The following KRT8 variants were observed in gnomAD, a reference collection of about 807,000 sequenced individuals.
KRT8 encodes the protein keratin 8, also known as keratin, type II cytoskeletal 8.
KRT8 carries 24 observed loss-of-function variants against 43.0 expected under a neutral mutation model. The observed-to-expected ratio is 0.56, with a 90% confidence interval of 0.40 to 0.78. The LOEUF (loss-of-function observed/expected upper bound fraction) is 0.78, where lower values mean the gene tolerates loss of function less well. Among genes scored for constraint, KRT8 ranks in the 30% least tolerant of loss-of-function variants. The probability of loss-of-function intolerance (pLI) is 0.00; values close to 1 mark genes in which losing one functional copy is unlikely to be tolerated. For missense variants in KRT8, 492 were observed against 638.4 expected (o/e 0.77, Z 2.47); for synonymous variants, 214 against 261.2 (o/e 0.82, Z 1.74).
chr12:52,940,293 C>T (rs1454682084), intron 2 of KRT8, among the ~76,000 whole-genome samples: 4 of 151,824 alleles, frequency 2.6e-5, no homozygotes, highest in South Asian at 2.1e-4. Flanking sequence ...ATTAGCCGGA[C>T]GTGGTAGCTC....
At chr12:52,909,975 G>A (rs954027704), upstream of KRT8, among the ~76,000 whole-genome samples, 1 of 151,992 alleles carries the variant, frequency 6.6e-6, no homozygotes, top group Non-Finnish European at 1.5e-5. Context: ...ATCTCACTAT[G>A]TTGCCCAGCC....
chr12:52,937,892 C>T (rs972642124), intron 2 of KRT8, among the ~76,000 whole-genome samples: 3 of 148,122 alleles, frequency 2.0e-5, no homozygotes, highest in South Asian at 2.1e-4. Context: ...CCCAGCTACT[C>T]GGGAGACTGA....
At chr12:52,918,209 A>AAGAAGAAGAAGG (rs1941809041) in intron 2 of KRT8, among the ~76,000 whole-genome samples, 12 of 113,452 alleles carry the variant, frequency 1.1e-4, no homozygotes, top group Non-Finnish European at 1.5e-4. Flanking sequence ...GAAGAACAAG[A>AAGAAGAAGAAGG]AGAAGAAGAA....
chr12:52,923,309 G>A (rs1356975746), intron 2 of KRT8, among the ~76,000 whole-genome samples: 1 of 152,154 alleles, frequency 6.6e-6, no homozygotes, highest in Admixed American at 6.5e-5. Flanking sequence ...GTCTCAACTC[G>A]GTCTCTAAAT....
chr12:52,915,456 C>G (rs906677654), intron 2 of KRT8, among the ~76,000 whole-genome samples: 2 of 151,812 alleles, frequency 1.3e-5, no homozygotes, highest in Admixed American at 1.3e-4. Context: ...GCCTGTAATC[C>G]TAGCACTTCA....
chr12:52,923,928 T>C (rs1476954189), intron 2 of KRT8, among the ~76,000 whole-genome samples: 4 of 150,604 alleles, frequency 2.7e-5, no homozygotes, highest in African/African-American at 9.8e-5. Context: ...CGCTGCAACC[T>C]CCGCCTCCCG....
intron 2 of KRT8, among the ~76,000 whole-genome samples, chr12:52,941,898 T>C (rs1258158929): frequency 6.6e-6 from 1 of 152,176 alleles, no homozygotes; most frequent in Non-Finnish European, 1.5e-5. Flanking sequence ...AGCAGCAACC[T>C]TGTGGCTTTT....
upstream of KRT8, among the ~76,000 whole-genome samples, chr12:52,905,820 A>C (rs1275841690): frequency 4.6e-5 from 7 of 152,150 alleles, no homozygotes; most frequent in East Asian, 1.4e-3. Context: ...AAGGCCAGGC[A>C]CGGTGGCTCA....
chr12:52,928,812 G>T (rs1308451901), intron 2 of KRT8, among the ~76,000 whole-genome samples: 1 of 152,100 alleles, frequency 6.6e-6, no homozygotes, highest in Non-Finnish European at 1.5e-5. Flanking sequence ...AGGCTGAAGC[G>T]AGAGAATCGC....
chr12:52,919,514 C>T (rs1413178043), intron 2 of KRT8, among the ~76,000 whole-genome samples: 1 of 151,960 alleles, frequency 6.6e-6, no homozygotes, highest in East Asian at 1.9e-4. Context: ...GTGATCTGCT[C>T]GCCTCAGCCT....
intron 2 of KRT8, among the ~76,000 whole-genome samples, chr12:52,915,689 T>G (rs1941724705): frequency 6.6e-6 from 1 of 151,386 alleles, no homozygotes; most frequent in South Asian, 2.1e-4. Flanking sequence ...CAGCCCAGCC[T>G]GGGTAACAGA....
At chr12:52,901,343 A>AG (rs36028657) in intron 2 of KRT8, 124 bp from the exon 3 acceptor site, 10 of 767,084 alleles carry the variant, frequency 1.3e-5, no homozygotes, top group South Asian at 1.2e-4. Flanking sequence ...GGATATGAGA[A>AG]GGCTGGTCCT....
chr12:52,922,003 C>T (rs1389359552), intron 2 of KRT8, among the ~76,000 whole-genome samples: 3 of 150,974 alleles, frequency 2.0e-5, no homozygotes, highest in Non-Finnish European at 4.4e-5. Context: ...CTGTCTATAC[C>T]CCTCTCCCCC....
rs780525358 is a variant in KRT8 at position 52,898,446 on chromosome 12, C to T, written c.1261+15G>A. The T allele has an allele frequency of 6.2e-7, 1 of 1,611,860 alleles. No individual in the cohort carries two copies. The highest frequency in any genetic ancestry group is 1.1e-5 in the South Asian group (1 of 90,706). ...CCTGCCTCCCGCCCTCATCCCAGGGCCCTGGGACACCCACCTGCATAGCCG... is the reference window on the plus strand; with the variant it reads ...CCTGCCTCCCGCCCTCATCCCAGGGTCCTGGGACACCCACCTGCATAGCCG... On this transcript the variant is annotated intron_variant, in intron 7 of 7. Transcript: ENST00000692008.
chr12:52,898,252 T>C (rs1007729439), intron 7 of KRT8, among the ~76,000 whole-genome samples: 1 of 152,210 alleles, frequency 6.6e-6, no homozygotes, highest in African/African-American at 2.4e-5. Context: ...AGCTATGGTT[T>C]ATTTGGGTGC....
At chr12:52,930,164 G>A (rs1410175757) in intron 2 of KRT8, among the ~76,000 whole-genome samples, 7 of 151,880 alleles carry the variant, frequency 4.6e-5, no homozygotes, top group Non-Finnish European at 1.0e-4. Flanking sequence ...TACTATTATT[G>A]CTGCTTCTTT....
At chr12:52,909,615 C>G (rs117181142), upstream of KRT8, among the ~76,000 whole-genome samples, 3,520 of 152,274 alleles carry the variant, frequency 0.023, 72 homozygotes, top group Admixed American at 0.052. Context: ...GAGGGAGCAA[C>G]CTCCTGTACC....
chr12:52,949,001 C>T (rs1192979018), intron 2 of KRT8: 3 of 563,048 alleles, frequency 5.3e-6, no homozygotes, highest in Middle Eastern at 4.9e-4. Context: ...CGGAGCGGCC[C>T]GGGGCGGAGG....
chr12:52,941,339 T>C (rs1407766411), intron 2 of KRT8, among the ~76,000 whole-genome samples: 1 of 152,110 alleles, frequency 6.6e-6, no homozygotes, highest in Non-Finnish European at 1.5e-5. Flanking sequence ...CAATTAGGGA[T>C]AATATCCACC....
Sources: gnomAD v4.1 joint callset for allele counts (sites outside exome capture counted in the v4.1 genomes callset) on GRCh38, gnomAD v4.1.1 for gene constraint, MANE v1.5 for transcripts, NCBI Gene and HGNC (gene_info 2026-07-23, HGNC 2026-07-21) for gene names.